The following UBE2H variants were observed in gnomAD, a reference collection of about 807,000 sequenced individuals.
UBE2H encodes the protein ubiquitin-conjugating enzyme E2 H.
A neutral mutation model predicts 29.0 loss-of-function variants in UBE2H; 3 were observed. That is an observed-to-expected ratio of 0.10 (90% CI 0.05 to 0.27). The LOEUF (loss-of-function observed/expected upper bound fraction) is 0.27, where lower values mean the gene tolerates loss of function less well. UBE2H is among the 10% of genes least tolerant of loss of function. The pLI, the probability that UBE2H is intolerant of heterozygous loss-of-function variation, is 1.00. For missense variants in UBE2H, 68 were observed against 228.2 expected (o/e 0.30, Z 4.52); for synonymous variants, 69 against 82.9 (o/e 0.83, Z 0.91).
At chr7:129,894,779 G>A (rs2727483) in intron 1 of UBE2H, among the ~76,000 whole-genome samples, 69,741 of 151,542 alleles carry the variant, frequency 0.46, 17,983 homozygotes, top group East Asian at 0.63. Flanking sequence ...CTGAGCCACC[G>A]CGCCCGGCCC....
chr7:129,932,773 CAAAAAAAA>C (rs1208871059), intron 1 of UBE2H, among the ~76,000 whole-genome samples: 45 of 33,208 alleles, frequency 1.4e-3, no homozygotes, highest in Admixed American at 2.2e-3. Flanking sequence ...GACTCCGTCT[CAAAAAAAA>C]AAAAAAAAAA....
At chr7:129,947,896 A>T (rs143859994) in intron 1 of UBE2H, among the ~76,000 whole-genome samples, 12 of 152,186 alleles carry the variant, frequency 7.9e-5, no homozygotes, top group Non-Finnish European at 2.9e-5. Flanking sequence ...TCTGTCGTCC[A>T]GGCTGGAGTG....
chr7:129,925,582 T>C (rs1350852416), intron 1 of UBE2H, among the ~76,000 whole-genome samples: 1 of 152,184 alleles, frequency 6.6e-6, no homozygotes, highest in Non-Finnish European at 1.5e-5. Flanking sequence ...CCCGATTGTA[T>C]TCAGGGCAGT....
intron 5 of UBE2H, among the ~76,000 whole-genome samples, chr7:129,840,995 C>T (rs545242416): frequency 2.3e-4 from 35 of 152,274 alleles, no homozygotes; most frequent in Middle Eastern, 3.4e-3. Context: ...TACTGGCATC[C>T]GGTGGGTGAA....
At chr7:129,858,758 G>T in intron 4 of UBE2H, 144 bp downstream of exon 4, 1 of 714,824 alleles carries the variant, frequency 1.4e-6, no homozygotes, top group Non-Finnish European at 2.3e-6. Flanking sequence ...CATATCCTTT[G>T]GATTCTATCA....
At chr7:129,857,671 G>A in intron 4 of UBE2H, 108 bp from the exon 5 acceptor site, 2 of 1,187,984 alleles carry the variant, frequency 1.7e-6, no homozygotes, top group Admixed American at 2.3e-5. Context: ...ATAGATCTGT[G>A]AAAAAAAGAA....
intron 1 of UBE2H, among the ~76,000 whole-genome samples, chr7:129,951,481 A>G (rs1807874885): frequency 6.9e-6 from 1 of 144,982 alleles, no homozygotes; most frequent in Non-Finnish European, 1.5e-5. Context: ...CCTCTAAACT[A>G]CCCTTCAAAA....
intron 5 of UBE2H, among the ~76,000 whole-genome samples, chr7:129,840,248 T>G (rs1281967735): frequency 1.3e-5 from 2 of 152,032 alleles, no homozygotes; most frequent in Non-Finnish European, 2.9e-5. Flanking sequence ...TGCATAGGTG[T>G]GATCATACCT....
chr7:129,861,350 A>C (rs9656386), intron 3 of UBE2H, among the ~76,000 whole-genome samples: 27,776 of 152,184 alleles, frequency 0.18, 2,832 homozygotes, highest in African/African-American at 0.26. Context: ...TACAAATGTT[A>C]ACAGTGTAGA....
intron 1 of UBE2H, among the ~76,000 whole-genome samples, chr7:129,932,773 CAAAAAAAAAA>C (rs1208871059): frequency 6.0e-5 from 2 of 33,210 alleles, no homozygotes; most frequent in African/African-American, 2.5e-4. Flanking sequence ...GACTCCGTCT[CAAAAAAAAAA>C]AAAAAAAAAA....
At chr7:129,850,644 T>C (rs757568678) in intron 5 of UBE2H, among the ~76,000 whole-genome samples, 5 of 152,010 alleles carry the variant, frequency 3.3e-5, no homozygotes, top group Non-Finnish European at 7.4e-5. Context: ...GGTGAAATGC[T>C]ATCTCTACTA....
At chr7:129,925,497 G>A (rs970957848) in intron 1 of UBE2H, among the ~76,000 whole-genome samples, 12 of 152,106 alleles carry the variant, frequency 7.9e-5, no homozygotes, top group Admixed American at 7.9e-4. Flanking sequence ...AGAAAAAAGC[G>A]AAACAACATT....
intron 1 of UBE2H, among the ~76,000 whole-genome samples, chr7:129,948,016 CTAAT>C (rs2116534641): frequency 6.6e-6 from 1 of 152,294 alleles, no homozygotes; most frequent in South Asian, 2.1e-4. Flanking sequence ...TCACGCCTGG[CTAAT>C]TTTTTATATT....
At chr7:129,853,751 G>T (rs1805653513) in intron 5 of UBE2H, among the ~76,000 whole-genome samples, 1 of 152,172 alleles carries the variant, frequency 6.6e-6, no homozygotes, top group African/African-American at 2.4e-5. Flanking sequence ...GGGGAAGGGT[G>T]TGAGGGGACA....
chr7:129,846,307 A>G (rs140882318), intron 5 of UBE2H, among the ~76,000 whole-genome samples: 94 of 152,140 alleles, frequency 6.2e-4, no homozygotes, highest in African/African-American at 2.1e-3. Flanking sequence ...CAGGAGTTCA[A>G]TAACAGCCTG....
At chr7:129,851,112 T>TC (rs113910856) in intron 5 of UBE2H, among the ~76,000 whole-genome samples, 7 of 152,010 alleles carry the variant, frequency 4.6e-5, no homozygotes, top group African/African-American at 1.7e-4. Context: ...GTAGCCCCTT[T>TC]CCCCCCAACA....
intron 1 of UBE2H, among the ~76,000 whole-genome samples, chr7:129,888,655 A>G (rs970121144): frequency 1.3e-5 from 2 of 152,116 alleles, no homozygotes; most frequent in East Asian, 3.9e-4. Flanking sequence ...TTGTATTTTC[A>G]GTAGAGACGG....
chr7:129,849,461 C>T (rs1237920223), intron 5 of UBE2H, among the ~76,000 whole-genome samples: 1 of 151,836 alleles, frequency 6.6e-6, no homozygotes, highest in African/African-American at 2.4e-5. Context: ...GCCGGTAATC[C>T]CAGCTACTTG....
At chr7:129,951,727 T>C (rs1807880122) in intron 1 of UBE2H, among the ~76,000 whole-genome samples, 1 of 152,102 alleles carries the variant, frequency 6.6e-6, no homozygotes, top group Non-Finnish European at 1.5e-5. Context: ...CAGAGGAAGT[T>C]TTGCCCAAGT....
Sources: gnomAD v4.1 joint callset for allele counts (sites outside exome capture counted in the v4.1 genomes callset) on GRCh38, gnomAD v4.1.1 for gene constraint, MANE v1.5 for transcripts, NCBI Gene and HGNC (gene_info 2026-07-23, HGNC 2026-07-21) for gene names.